The following UBQLN2 variants were observed in gnomAD, a reference collection of about 807,000 sequenced individuals.
UBQLN2 encodes ubiquilin 2.
UBQLN2 carries 2 observed loss-of-function variants against 22.2 expected under a neutral mutation model. The ratio of observed to expected loss-of-function variants is 0.09; its 90% CI spans 0.04 to 0.28. The LOEUF (loss-of-function observed/expected upper bound fraction) is 0.28, where lower values mean the gene tolerates loss of function less well. Among genes scored for constraint, UBQLN2 ranks in the 10% least tolerant of loss-of-function variants. The pLI is 1.00. For synonymous variants in UBQLN2, 252 were observed against 206.7 expected (o/e 1.22, Z -1.88); for missense variants, 446 against 505.1 (o/e 0.88, Z 1.12).
rs757650175 is a variant in UBQLN2 at position 56,567,837 on chromosome X, A to G, written c.*2089A>G. The G allele has an allele frequency of 2.4e-5, 3 of 122,714 alleles. No individual in the cohort carries two copies. The Admixed American group carries it at 2.9e-4, about 12-fold the overall frequency. 10.1% of individuals were successfully genotyped at this position (122,714 alleles called of 1,213,427 possible). On this transcript the variant is annotated 3_prime_UTR_variant, in exon 1 of 1. Coordinates refer to ENST00000338222, the MANE Select transcript of UBQLN2 (RefSeq NM_013444.4). Reference sequence around the variant, plus strand: ...GACTGCATGGGTTAAACATTTTCATAACAGTGCTAAATAATAAAGGTGGCA... The same window carrying G: ...GACTGCATGGGTTAAACATTTTCATGACAGTGCTAAATAATAAAGGTGGCA...
In UBQLN2 at chrX:56,565,374, A is replaced by C; in HGVS notation, c.1501A>C (p.Ile501Leu). Residue 501 changes from isoleucine to leucine, a missense_variant, in exon 1 of 1, where the codon ATA becomes CTA. Ile to Leu is a conservative substitution (Grantham distance 5). Transcript: ENST00000338222. The part of the protein sequence containing the change: ...PVGPVTPIGP[I>L]GPIVPFTPIG... Reference sequence around the variant, plus strand: ...AGGCCCAGTCACCCCCATAGGCCCCATAGGCCCTATAGTCCCTTTTACCCC... The same window carrying C: ...AGGCCCAGTCACCCCCATAGGCCCCCTAGGCCCTATAGTCCCTTTTACCCC... 1 of 1,202,043 alleles carries C rather than the reference A, an allele frequency of 8.3e-7. No homozygotes were observed. Among genetic ancestry groups the C allele is most frequent in the Non-Finnish European group, 1.1e-6 (1 of 890,192 alleles).
At position 56,563,842 on chromosome X, in the gene UBQLN2, C is replaced by A; in HGVS notation, c.-32C>A. On this transcript the variant is annotated 5_prime_UTR_variant, in exon 1 of 1. Transcript: ENST00000338222. ...CGCTCTCTCTTTCGCCCGCCCGCGC[C>A]TTCCCTGCCCGCCTGCGTCACCGCG... 9.1e-7 allele frequency: 1 copy of A among 1,104,059 alleles called. No homozygotes were observed. The highest frequency in any genetic ancestry group is 1.2e-6 in the Non-Finnish European group (1 of 831,589). The allele number at this position is 1,104,059 out of a possible 1,213,427, so 91.0% of individuals were successfully genotyped here. A position where few individuals can be genotyped will look rare whatever the true frequency, so the allele number is the denominator to read the frequency against.
chrX:56,564,081 G>A lies in UBQLN2; in HGVS notation c.208G>A (p.Asp70Asn), dbSNP rs200184714. The change falls in exon 1 of 1, where the codon GAT becomes AAT. Residue 70 changes from aspartate (D) to asparagine (N), a missense_variant. Asp to Asn is a conservative substitution (Grantham distance 23). Transcript: ENST00000338222. Reference sequence around the variant, plus strand: ...TTCGAAACGCTTCAAATCCCAAACCGATCAGCTAGTGCTGATTTTTGCCGG... The same window carrying A: ...TTCGAAACGCTTCAAATCCCAAACCAATCAGCTAGTGCTGATTTTTGCCGG... ...AISKRFKSQTDQLVLIFAGKI... is the reference protein window; with the variant it reads ...AISKRFKSQTNQLVLIFAGKI... The A allele has an allele frequency of 1.5e-5, 18 of 1,206,447 alleles. No homozygotes were observed. The highest frequency in any genetic ancestry group is 1.9e-5 in the Non-Finnish European group (17 of 892,779).
In UBQLN2 at chrX:56,563,877, G is replaced by T. The variant is rs779715794; in HGVS notation, c.4G>T (p.Ala2Ser). 5.2e-6 allele frequency: 6 copies of T among 1,150,359 alleles called. No homozygotes were observed. Among genetic ancestry groups the T allele is most frequent in the Admixed American group, 2.7e-5 (1 of 37,496 alleles). The allele number at this position is 1,150,359 out of a possible 1,213,427, so 94.8% of individuals were successfully genotyped here. Residue 2 changes from alanine to serine, a missense_variant, in exon 1 of 1, where the codon GCT becomes TCT. Physicochemically the swap from Ala to Ser is moderately conservative, Grantham distance 99. This residue lies in a region of UBQLN2 where 39 missense variants were observed against 27.6 expected (regional missense o/e 1.41). Coordinates refer to ENST00000338222, the MANE Select transcript of UBQLN2 (RefSeq NM_013444.4). ...CGCCTGCGTCACCGCGGCCGCCATG[G>T]CTGAGAATGGCGAGAGCAGCGGCCC... Reference protein sequence around the residue: MAENGESSGPPR... With the variant: MSENGESSGPPR...
Position 56,565,645 on chromosome X carries a change from C to A in UBQLN2, c.1772C>A (p.Ala591Glu), listed in dbSNP as rs1291034778. ...RFQQQLEQLN[A>E]MGFLNREANL... ...CAGCAACAACTGGAACAGCTCAACG[C>A]AATGGGGTTCTTAAACCGTGAAGCA... Residue 591 changes from alanine to glutamate, a missense_variant, in exon 1 of 1, where the codon GCA (alanine) becomes GAA (glutamate). Around this residue, in one of 3 missense-constraint regions of UBQLN2, gnomAD observed 278 missense variants for 279.4 expected, o/e 1.00. Transcript: ENST00000338222. 3 of 1,212,069 alleles carry A rather than the reference C, an allele frequency of 2.5e-6. No individual in the cohort carries two copies. The highest frequency in any genetic ancestry group is 3.4e-6 in the Non-Finnish European group (3 of 895,488).
Position 56,567,764 on chromosome X carries a change from A to G in UBQLN2, c.*2016A>G, listed in dbSNP as rs1292640520. ...TTCCAGGTGAGAAATCCTATCAATT[A>G]TGTTATAATTATATGTTTTCCTTTT... is the stretch of plus-strand genomic sequence containing the variant. On this transcript the variant is annotated 3_prime_UTR_variant, in exon 1 of 1. Transcript: ENST00000338222. 1.6e-5 allele frequency: 2 copies of G among 123,112 alleles called. No individual in the cohort carries two copies. The highest frequency in any genetic ancestry group is 6.5e-5 in the African/African-American group (2 of 30,824). 10.1% of individuals were successfully genotyped at this position (123,112 alleles called of 1,213,427 possible).
chrX:56,564,273 A>C lies in UBQLN2; in HGVS notation c.400A>C (p.Thr134Pro), dbSNP rs759201552. The C allele has an allele frequency of 2.5e-6, 3 of 1,211,241 alleles. No homozygotes were observed. The highest frequency in any genetic ancestry group is 3.4e-6 in the Non-Finnish European group (3 of 895,397). The change falls in exon 1 of 1, where the codon ACA becomes CCA. Residue 134 changes from threonine (T) to proline (P), a missense_variant. Thr to Pro is a conservative substitution (Grantham distance 38). Around this residue, in one of 3 missense-constraint regions of UBQLN2, gnomAD observed 129 missense variants for 198.1 expected, o/e 0.65. Transcript: ENST00000338222. ...TSASTPRSNS[T>P]PISTNSNPFG... ...GGCGTCGACTCCCAGGAGTAACTCCACACCTATTTCCACAAATAGCAACCC... is the reference window on the plus strand; with the variant it reads ...GGCGTCGACTCCCAGGAGTAACTCCCCACCTATTTCCACAAATAGCAACCC...
At position 56,565,417 on chromosome X, in the gene UBQLN2, C is replaced by A; in HGVS notation, c.1544C>A (p.Pro515His). ...VPFTPIGPIG[P>H]IGPTGPAAPP... ...TTTACCCCCATAGGCCCCATTGGGCCCATAGGACCCACTGGCCCTGCAGCC... is the reference window on the plus strand; with the variant it reads ...TTTACCCCCATAGGCCCCATTGGGCACATAGGACCCACTGGCCCTGCAGCC... Residue 515 changes from proline to histidine, a missense_variant, in exon 1 of 1, where the codon CCC (proline) becomes CAC (histidine). This residue lies in a region of UBQLN2 where 278 missense variants were observed against 279.4 expected (regional missense o/e 1.00). Coordinates refer to ENST00000338222, the MANE Select transcript of UBQLN2 (RefSeq NM_013444.4). The A allele has an allele frequency of 8.4e-7, 1 of 1,194,185 alleles. No individual in the cohort carries two copies. The highest frequency in any genetic ancestry group is 1.1e-6 in the Non-Finnish European group (1 of 886,222).
rs1569254614 is a variant in UBQLN2, at chrX:56,565,494, G to A, written c.1621G>A (p.Ala541Thr). ...GGPTGPTVSS[A>T]APSETTSPTS... ...CCCCACGGGGCCTACTGTGTCCAGCGCTGCACCTAGTGAAACCACGAGTCC... is the reference window on the plus strand; with the variant it reads ...CCCCACGGGGCCTACTGTGTCCAGCACTGCACCTAGTGAAACCACGAGTCC... Residue 541 changes from alanine to threonine, a missense_variant, in exon 1 of 1, where the codon GCT (alanine) becomes ACT (threonine). Ala to Thr is a moderately conservative substitution (Grantham distance 58, BLOSUM62 0). Coordinates refer to ENST00000338222, the MANE Select transcript of UBQLN2 (RefSeq NM_013444.4). The A allele has an allele frequency of 1.7e-6, 2 of 1,206,267 alleles. No homozygotes were observed. Among genetic ancestry groups the A allele is most frequent in the Non-Finnish European group, 1.1e-6 (1 of 892,463 alleles).
chrX:56,564,526 A>G lies in UBQLN2; in HGVS notation c.653A>G (p.Asn218Ser), dbSNP rs2068631361. ...NPQMQQLIQR[N>S]PEISHLLNNP... is the part of the protein sequence containing the mutation. ...CAGATGCAGCAATTGATTCAGAGAA[A>G]CCCAGAAATCAGTCACCTGCTCAAC... is the stretch of plus-strand genomic sequence containing the variant. Residue 218 changes from asparagine (N) to serine (S), a missense_variant, in exon 1 of 1, where the codon AAC becomes AGC. Coordinates refer to ENST00000338222, the MANE Select transcript of UBQLN2 (RefSeq NM_013444.4). The G allele has an allele frequency of 8.3e-7, 1 of 1,210,070 alleles. No individual in the cohort carries two copies. Among genetic ancestry groups the G allele is most frequent in the African/African-American group, 1.8e-5 (1 of 57,080 alleles).
At position 56,565,656 on chromosome X, in the gene UBQLN2, T is replaced by C. The variant is rs2068638820; in HGVS notation, c.1783T>C (p.Leu595=). Residue 595 remains leucine (L), a synonymous_variant, in exon 1 of 1, where the codon TTA becomes CTA. Transcript: ENST00000338222. The stretch of plus-strand genomic sequence containing the variant: ...GGAACAGCTCAACGCAATGGGGTTC[T>C]TAAACCGTGAAGCAAACTTGCAGGC... ...QLEQLNAMGF[L]NREANLQALI... 8.2e-7 allele frequency: 1 copy of C among 1,212,234 alleles called. No individual in the cohort carries two copies. The highest frequency in any genetic ancestry group is 1.1e-6 in the Non-Finnish European group (1 of 895,577).
rs1173541929 is a variant in UBQLN2, at chrX:56,563,627, A to G, written c.-247A>G. ...TGCTGGGAGTGCGCGCGGTCGGATC[A>G]CAAGGCGGCGGCGGAGGAGGCCCAG... is the stretch of plus-strand genomic sequence containing the variant. On this transcript the variant is annotated 5_prime_UTR_variant, in exon 1 of 1. Transcript: ENST00000338222. 6 of 333,517 alleles carry G rather than the reference A, an allele frequency of 1.8e-5. No homozygotes were observed. The Admixed American group carries it at 3.4e-4, about 19-fold the overall frequency. The allele number at this position is 333,517 out of a possible 1,213,427, so 27.5% of individuals were successfully genotyped here.
Position 56,567,458 on chromosome X carries a change from T to C in UBQLN2, c.*1710T>C, listed in dbSNP as rs749180600. On this transcript the variant is annotated 3_prime_UTR_variant, in exon 1 of 1. Coordinates refer to ENST00000338222, the MANE Select transcript of UBQLN2 (RefSeq NM_013444.4). ...TGATATGACTGTGAGGACTACAGAA[T>C]TGCATTGCTTTCCAGAAACATGTTG... 8.1e-6 allele frequency: 1 copy of C among 123,308 alleles called. No individual in the cohort carries two copies. The highest frequency in any genetic ancestry group is 3.7e-4 in the South Asian group (1 of 2,703). The allele number at this position is 123,308 out of a possible 1,213,427, so 10.2% of individuals were successfully genotyped here. A position where few individuals can be genotyped will look rare whatever the true frequency, so the allele number is the denominator to read the frequency against.
rs1342893982 is a variant in UBQLN2, at chrX:56,566,551, T to C, written c.*803T>C. 8.1e-6 allele frequency: 1 copy of C among 123,613 alleles called. No homozygotes were observed. Among genetic ancestry groups the C allele is most frequent in the Non-Finnish European group, 1.9e-5 (1 of 53,298 alleles). 10.2% of individuals were successfully genotyped at this position (123,613 alleles called of 1,213,427 possible). The stretch of plus-strand genomic sequence containing the variant: ...TCAGTGAAAATGTTGGCTAGGCAAG[T>C]TCAGTTAAAATATAGTAGAAATGTT... On this transcript the variant is annotated 3_prime_UTR_variant, in exon 1 of 1. Coordinates refer to ENST00000338222, the MANE Select transcript of UBQLN2 (RefSeq NM_013444.4).
In UBQLN2 at chrX:56,563,833, C is replaced by G; in HGVS notation, c.-41C>G. On this transcript the variant is annotated 5_prime_UTR_variant, in exon 1 of 1. Coordinates refer to ENST00000338222, the MANE Select transcript of UBQLN2 (RefSeq NM_013444.4). Reference sequence around the variant, plus strand: ...CTTCCCTCGCGCTCTCTCTTTCGCCCGCCCGCGCCTTCCCTGCCCGCCTGC... The same window carrying G: ...CTTCCCTCGCGCTCTCTCTTTCGCCGGCCCGCGCCTTCCCTGCCCGCCTGC... 1 of 1,061,190 alleles carries G rather than the reference C, an allele frequency of 9.4e-7. No individual in the cohort carries two copies. Among genetic ancestry groups the G allele is most frequent in the Non-Finnish European group, 1.3e-6 (1 of 793,886 alleles). The allele number at this position is 1,061,190 out of a possible 1,213,427, so 87.5% of individuals were successfully genotyped here.
chrX:56,564,005 G>A lies in UBQLN2; in HGVS notation c.132G>A (p.Glu44=). 1 of 1,176,281 alleles carries A rather than the reference G, an allele frequency of 8.5e-7. No individual in the cohort carries two copies. The highest frequency in any genetic ancestry group is 3.2e-5 in the East Asian group (1 of 31,707). The part of the protein sequence containing the change: ...KVTVKTPKEK[E]EFAVPENSSV... ...CGGTGAAGACTCCCAAAGAGAAAGAGGAGTTCGCGGTGCCCGAGAACAGCT... is the reference window on the plus strand; with the variant it reads ...CGGTGAAGACTCCCAAAGAGAAAGAAGAGTTCGCGGTGCCCGAGAACAGCT... Residue 44 remains glutamate, a synonymous_variant, in exon 1 of 1, where the codon GAG becomes GAA. Coordinates refer to ENST00000338222, the MANE Select transcript of UBQLN2 (RefSeq NM_013444.4).
chrX:56,567,003 C>G lies in UBQLN2; in HGVS notation c.*1255C>G, dbSNP rs1222630158. 1 of 122,552 alleles carries G rather than the reference C, an allele frequency of 8.2e-6. No individual in the cohort carries two copies. The highest frequency in any genetic ancestry group is 3.3e-5 in the African/African-American group (1 of 30,599). The allele number at this position is 122,552 out of a possible 1,213,427, so 10.1% of individuals were successfully genotyped here. The stretch of plus-strand genomic sequence containing the variant: ...GATCGTGTTTAGGAGGATTATCCCA[C>G]CCCGAGATTATATAAATCTTATCCT... On this transcript the variant is annotated 3_prime_UTR_variant, in exon 1 of 1. Coordinates refer to ENST00000338222, the MANE Select transcript of UBQLN2 (RefSeq NM_013444.4).
chrX:56,563,944 C>A lies in UBQLN2; in HGVS notation c.71C>A (p.Ala24Asp). The A allele has an allele frequency of 8.6e-7, 1 of 1,161,170 alleles. No homozygotes were observed. The highest frequency in any genetic ancestry group is 1.8e-5 in the African/African-American group (1 of 56,734). ...SRGPAAAQGSAAAPAEPKIIK... is the reference protein window; with the variant it reads ...SRGPAAAQGSDAAPAEPKIIK... ...GGCCCTGCTGCGGCCCAAGGCTCGG[C>A]TGCTGCCCCGGCTGAGCCTAAAATC... The change falls in exon 1 of 1, where the codon GCT becomes GAT. Residue 24 changes from alanine to aspartate, a missense_variant. By Grantham distance (126) the Ala-to-Asp change is moderately radical (BLOSUM62 -2). This residue lies in a region of UBQLN2 where 39 missense variants were observed against 27.6 expected (regional missense o/e 1.41). Coordinates refer to ENST00000338222, the MANE Select transcript of UBQLN2 (RefSeq NM_013444.4).
rs746609244 is a variant in UBQLN2, at chrX:56,565,830, TCTTTA to T, written c.*87_*91del. On this transcript the variant is annotated 3_prime_UTR_variant, in exon 1 of 1. Coordinates refer to ENST00000338222, the MANE Select transcript of UBQLN2 (RefSeq NM_013444.4). Reference sequence around the variant, plus strand: ...TCTTTAAACACACACACAAAATCGTTCTTTACTTTCATTTTGATTCTTTTAAATCT... The same window carrying T: ...TCTTTAAACACACACACAAAATCGTTCTTTCATTTTGATTCTTTTAAATCT... The T allele has an allele frequency of 1.1e-4, 104 of 951,803 alleles. No individual in the cohort carries two copies. The highest frequency in any genetic ancestry group is 3.7e-4 in the Admixed American group (14 of 37,991). 78.4% of individuals were successfully genotyped at this position (951,803 alleles called of 1,213,427 possible). A position where few individuals can be genotyped will look rare whatever the true frequency, so the allele number is the denominator to read the frequency against.
Sources: gnomAD v4.1 joint callset for allele counts on GRCh38, gnomAD v4.1.1 for gene constraint, gnomAD v4.1.1 regional missense constraint, MANE v1.5 for transcripts, NCBI Gene and HGNC (gene_info 2026-07-23, HGNC 2026-07-21) for gene names.